DUSP13B: variants seen among roughly 807,000 people sequenced by gnomAD.
The protein encoded by DUSP13B is dual specificity protein phosphatase 13B.
chr10:75,101,712 T>C, the DUSP13B span, among the ~76,000 whole-genome samples: 3 of 152,196 alleles, frequency 2.0e-5, no homozygotes, highest in Non-Finnish European at 4.4e-5. Context: ...CTGACTCTAC[T>C]ATACCTTGTC....
the DUSP13B span, among the ~76,000 whole-genome samples, chr10:75,107,110 CAG>C: frequency 6.6e-6 from 1 of 152,134 alleles, no homozygotes; most frequent in Non-Finnish European, 1.5e-5. Context: ...CCGAGGCAGA[CAG>C]ATCACTTGAG....
At chr10:75,109,027 T>C in the DUSP13B span, 4 of 1,608,878 alleles carry the variant, frequency 2.5e-6, no homozygotes, top group Middle Eastern at 1.7e-4. Context: ...TATGAAAAGG[T>C]TGGGCCAAAC....
the DUSP13B span, chr10:75,102,079 A>G: frequency 3.0e-6 from 2 of 674,074 alleles, no homozygotes; most frequent in Non-Finnish European, 4.6e-6. Flanking sequence ...AAGCACAGTC[A>G]GGCACCTTTC....
chr10:75,095,930 G>T, the DUSP13B span: 1 of 773,700 alleles, frequency 1.3e-6, no homozygotes. Flanking sequence ...AATTGGCCCA[G>T]GGTGAAGGGG....
At chr10:75,107,413 C>G in the DUSP13B span, among the ~76,000 whole-genome samples, 2 of 152,014 alleles carry the variant, frequency 1.3e-5, no homozygotes, top group African/African-American at 4.8e-5. Context: ...GGTGCTTTCC[C>G]AAAGTTGAGT....
chr10:75,105,440 T>C, the DUSP13B span, among the ~76,000 whole-genome samples: 1 of 152,180 alleles, frequency 6.6e-6, no homozygotes, highest in Non-Finnish European at 1.5e-5. Flanking sequence ...TTGGGGGTCC[T>C]ACAGGAGAAT....
At chr10:75,106,635 A>G in the DUSP13B span, among the ~76,000 whole-genome samples, 10 of 152,016 alleles carry the variant, frequency 6.6e-5, no homozygotes, top group Non-Finnish European at 8.8e-5. Context: ...AGCCCTCCAC[A>G]CTGGCCCACT....
the DUSP13B span, among the ~76,000 whole-genome samples, chr10:75,104,441 C>T: frequency 1.3e-5 from 2 of 152,150 alleles, no homozygotes; most frequent in African/African-American, 4.8e-5. Flanking sequence ...ATGCTGTACC[C>T]CTGCCTATCC....
the DUSP13B span, chr10:75,107,924 G>C: frequency 6.7e-7 from 1 of 1,500,680 alleles, no homozygotes; most frequent in Non-Finnish European, 9.0e-7. Context: ...ACTGATGACT[G>C]AGAGGAAATG....
At chr10:75,097,678 C>T in the DUSP13B span, 346 of 1,512,878 alleles carry the variant, frequency 2.3e-4, 1 homozygote, top group African/African-American at 4.3e-3. Context: ...CACACCCTTC[C>T]GCCATCCCCA....
chr10:75,106,527 T>G, the DUSP13B span, among the ~76,000 whole-genome samples: 1 of 152,142 alleles, frequency 6.6e-6, no homozygotes, highest in South Asian at 2.1e-4. Context: ...ACAAAGCAGC[T>G]CATCTTTTTT....
the DUSP13B span, chr10:75,095,464 G>T: frequency 1.1e-6 from 1 of 949,194 alleles, no homozygotes; most frequent in Admixed American, 2.1e-5. Flanking sequence ...GAGTGGGAGG[G>T]TTACTGAAAG....
At chr10:75,108,097 C>G in the DUSP13B span, 1 of 1,613,870 alleles carries the variant, frequency 6.2e-7, no homozygotes, top group Non-Finnish European at 8.5e-7. Flanking sequence ...AGGTAGCTCA[C>G]ACTGCTGCCG....
At chr10:75,096,259 AAAC>A in the DUSP13B span, among the ~76,000 whole-genome samples, 5 of 151,766 alleles carry the variant, frequency 3.3e-5, no homozygotes, top group East Asian at 1.9e-4. Context: ...CATCTCAAAA[AAAC>A]AACAACAACA....
the DUSP13B span, chr10:75,107,956 G>T: frequency 1.2e-4 from 187 of 1,579,552 alleles, 1 homozygote; most frequent in East Asian, 4.3e-3. Context: ...CCATGAATGA[G>T]CAAGATGGGA....
At chr10:75,108,403 G>T in the DUSP13B span, 1 of 1,023,938 alleles carries the variant, frequency 9.8e-7, no homozygotes, top group Non-Finnish European at 1.4e-6. Context: ...TGAGCCGGCG[G>T]TGTGTGTGTC....
the DUSP13B span, among the ~76,000 whole-genome samples, chr10:75,102,852 T>C: frequency 1.3e-5 from 2 of 152,130 alleles, no homozygotes; most frequent in African/African-American, 2.4e-5. Context: ...CTCGGGAGCC[T>C]GAGGCAGGAG....
chr10:75,096,450 G>A, the DUSP13B span, among the ~76,000 whole-genome samples: 1 of 151,994 alleles, frequency 6.6e-6, no homozygotes, highest in Non-Finnish European at 1.5e-5. Context: ...GGTGGCATAT[G>A]CCAGTAGTCC....
chr10:75,102,068 C>A, the DUSP13B span: 1 of 775,994 alleles, frequency 1.3e-6, no homozygotes, highest in Non-Finnish European at 1.9e-6. Context: ...TGGCCAGTGC[C>A]AAGCACAGTC....
Sources: allele counts gnomAD v4.1 joint callset (sites outside exome capture counted in the v4.1 genomes callset), GRCh38; gene constraint gnomAD v4.1.1; transcripts MANE v1.5; gene names NCBI Gene and HGNC (gene_info 2026-07-23, HGNC 2026-07-21).